POMT1: variants seen among roughly 807,000 people sequenced by gnomAD.
The protein encoded by POMT1 is protein O-mannosyl-transferase 1.
In POMT1, 85 loss-of-function variants were observed where a neutral mutation model predicts 101.6. That is an observed-to-expected ratio of 0.84 (90% CI 0.70 to 1.00). The LOEUF (loss-of-function observed/expected upper bound fraction) is 1.00. Among genes scored for constraint, POMT1 ranks in the 50% least tolerant of loss-of-function variants. The pLI, the probability that POMT1 is intolerant of heterozygous loss-of-function variation, is 0.00. For missense variants in POMT1, 857 were observed against 930.4 expected (o/e 0.92, Z 1.03); for synonymous variants, 371 against 383.0 (o/e 0.97, Z 0.37).
chr9:131,521,652 T>C (rs1377065549), intron 18 of POMT1, among the ~76,000 whole-genome samples, 180 bp downstream of exon 18: 5 of 152,132 alleles, frequency 3.3e-5, no homozygotes, highest in African/African-American at 1.2e-4. Flanking sequence ...ACCGACTTCA[T>C]AGGAACCTAC....
chr9:131,522,114 G>A lies in POMT1; in HGVS notation c.1893G>A (p.Pro631=), dbSNP rs749582742. Residue 631 remains proline (P), a synonymous_variant, in exon 19 of 20, where the codon CCG becomes CCA. Transcript: ENST00000402686. This position sits in a 1 kb window ranked among gnomAD's most constrained non-coding sequence, Gnocchi z 5.5. ...CAGGWAVNYL[P]FFLMEKTLFL... ...GTGGCTGGGCAGTGAACTACCTCCC[G>A]TTCTTCCTGATGGAGAAGACACTCT... 1.4e-5 allele frequency: 22 copies of A among 1,614,004 alleles called. No individual in the cohort carries two copies. Among genetic ancestry groups the A allele is most frequent in the South Asian group, 4.4e-5 (4 of 91,086 alleles).
chr9:131,511,398 C>T lies in POMT1; in HGVS notation c.917C>T (p.Thr306Ile), dbSNP rs1377535146. Residue 306 changes from threonine (T) to isoleucine (I), a missense_variant, in exon 10 of 20, where the codon ACT becomes ATT. Thr to Ile is a moderately conservative substitution (Grantham distance 89). Coordinates refer to ENST00000402686, the MANE Select transcript of POMT1 (RefSeq NM_001077365.2). ...GAGGTGGCCTTTGGGTCCCAGGTCA[C>T]TCTGAGGAACGTCTTTGGGAAACCT... ...PLEVAFGSQV[T>I]LRNVFGKPVP... is the part of the protein sequence containing the mutation. The T allele has an allele frequency of 3.1e-6, 5 of 1,614,012 alleles. No individual in the cohort carries two copies. The highest frequency in any genetic ancestry group is 4.2e-6 in the Non-Finnish European group (5 of 1,179,982).
rs1338129215 is a variant in POMT1 at position 131,523,520 on chromosome 9, A to G, written c.*414A>G. The stretch of plus-strand genomic sequence containing the variant: ...TTCATGAACACCCAGCAACCTGAGC[A>G]AGTCCCGGCCCTGCCCTCAGCGAGC... On this transcript the variant is annotated 3_prime_UTR_variant, in exon 20 of 20. Coordinates refer to ENST00000402686, the MANE Select transcript of POMT1 (RefSeq NM_001077365.2). The G allele has an allele frequency of 2.6e-5, 8 of 306,818 alleles. No individual in the cohort carries two copies. The highest frequency in any genetic ancestry group is 8.9e-5 in the Admixed American group (2 of 22,582). The allele number at this position is 306,818 out of a possible 1,614,324, so 19.0% of individuals were successfully genotyped here. A position where few individuals can be genotyped will look rare whatever the true frequency, so the allele number is the denominator to read the frequency against.
rs1944938497 is a variant in POMT1 at position 131,503,199 on chromosome 9, G to A, written c.-31+126G>A. ...GGCGTCCCCGTCTTTCCGGAGCTGG[G>A]GGCGGGGTTCGGGCCCGGGCAGATG... is the stretch of plus-strand genomic sequence containing the variant. On this transcript the variant is annotated intron_variant, in intron 1 of 19. Transcript: ENST00000402686. The surrounding 1 kb of genome is among the most constrained non-coding windows in gnomAD (Gnocchi z 4.4). 6.6e-6 allele frequency: 1 copy of A among 152,376 alleles called. No homozygotes were observed. The allele number at this position is 152,376 out of a possible 1,614,324, so 9.4% of individuals were successfully genotyped here. A position where few individuals can be genotyped will look rare whatever the true frequency, so the allele number is the denominator to read the frequency against.
chr9:131,513,112 CAT>C, intron 11 of POMT1, 125 bp from the exon 12 acceptor site: 1 of 763,588 alleles, frequency 1.3e-6, no homozygotes, highest in South Asian at 1.4e-5. Flanking sequence ...GTGTTCACCT[CAT>C]GTGAGGCACA....
intron 4 of POMT1, 22 bp downstream of exon 4, chr9:131,506,475 C>T: frequency 1.3e-6 from 2 of 1,595,860 alleles, no homozygotes; most frequent in Non-Finnish European, 1.7e-6. Context: ...TTTTCATTTC[C>T]CTTTTAATGT....
In POMT1 at chr9:131,518,530, T is replaced by G; in HGVS notation, c.1358T>G (p.Val453Gly). The part of the protein sequence containing the change: ...VRFVHVNTSA[V>G]LKLSGAHLPD... ...TTTGTGCACGTGAACACTTCCGCTG[T>G]CTTAAAGGTAAGGACACTGTCCGTG... The change falls in exon 14 of 20, where the codon GTC becomes GGC. Residue 453 changes from valine to glycine, a missense_variant. Physicochemically the swap from Val to Gly is moderately radical, Grantham distance 109. Coordinates refer to ENST00000402686, the MANE Select transcript of POMT1 (RefSeq NM_001077365.2). 1 of 1,613,312 alleles carries G rather than the reference T, an allele frequency of 6.2e-7. No homozygotes were observed. Among genetic ancestry groups the G allele is most frequent in the East Asian group, 2.2e-5 (1 of 44,888 alleles).
chr9:131,522,627 G>A lies in POMT1; in HGVS notation c.2004-305G>A. The stretch of plus-strand genomic sequence containing the variant: ...CAGAGTGTGTTTGGAGGTTGGAGCA[G>A]AGGGCGAGGGCCTCCCGGTTTCAGG... On this transcript the variant is annotated intron_variant, in intron 19 of 19. Transcript: ENST00000402686. The surrounding 1 kb of genome is among the most constrained non-coding windows in gnomAD (Gnocchi z 5.5). The A allele has an allele frequency of 1.8e-6, 1 of 544,664 alleles. No homozygotes were observed. The highest frequency in any genetic ancestry group is 3.3e-6 in the Non-Finnish European group (1 of 302,406). 33.7% of individuals were successfully genotyped at this position (544,664 alleles called of 1,614,324 possible).
intron 4 of POMT1, chr9:131,506,838 AC>A (rs1945927622): frequency 1.3e-5 from 4 of 307,952 alleles, no homozygotes; most frequent in Middle Eastern, 1.2e-3. Flanking sequence ...GGAGGCTGAG[AC>A]GGGTGGATCA....
chr9:131,507,384 G>A lies in POMT1; in HGVS notation c.297G>A (p.Val99=). 1.2e-6 allele frequency: 2 copies of A among 1,614,202 alleles called. No homozygotes were observed. The highest frequency in any genetic ancestry group is 4.5e-5 in the East Asian group (2 of 44,880). ...NRIGAEYSSN[V]PVWSLRLLPA... is the part of the protein sequence containing the mutation. Reference sequence around the variant, plus strand: ...CTTTTCCAGAATACAGTAGCAACGTGCCTGTGTGGTCCCTGCGCCTGCTGC... The same window carrying A: ...CTTTTCCAGAATACAGTAGCAACGTACCTGTGTGGTCCCTGCGCCTGCTGC... Residue 99 remains valine, a synonymous_variant, in exon 5 of 20, where the codon GTG becomes GTA. Coordinates refer to ENST00000402686, the MANE Select transcript of POMT1 (RefSeq NM_001077365.2).
Position 131,512,087 on chromosome 9 carries a change from T to TA in POMT1, c.1034dup (p.Tyr345Ter). 6.2e-7 allele frequency: 1 copy of TA among 1,614,128 alleles called. No individual in the cohort carries two copies. Among genetic ancestry groups the TA allele is most frequent in the Non-Finnish European group, 8.5e-7 (1 of 1,180,010 alleles). Residue 345 changes from tyrosine (Y) to a stop codon, truncating the protein, a stop_gained and frameshift_variant, in exon 11 of 20, where the codon TAC becomes TAAC. Coordinates refer to ENST00000402686, the MANE Select transcript of POMT1 (RefSeq NM_001077365.2). LOFTEE classifies it high-confidence loss of function. ...GSSHQQQVTC[Y>*]PFKDVNNWWI... ...CTCCCACCAGCAACAGGTGACCTGTTACCCCTTCAAAGATGTCAATAACTG... is the reference window on the plus strand; with the variant it reads ...CTCCCACCAGCAACAGGTGACCTGTTAACCCCTTCAAAGATGTCAATAACTG...
In POMT1 at chr9:131,522,359, G is replaced by C. The variant is rs1950115541; in HGVS notation, c.2003+135G>C. 6.7e-7 allele frequency: 1 copy of C among 1,495,712 alleles called. No individual in the cohort carries two copies. Among genetic ancestry groups the C allele is most frequent in the Non-Finnish European group, 8.9e-7 (1 of 1,119,422 alleles). 92.7% of individuals were successfully genotyped at this position (1,495,712 alleles called of 1,614,324 possible). ...CTGACATCCTCCGGGTCCCTCCGGG[G>C]AATGGGTGAGGTTCAGAAGAGATGC... On this transcript the variant is annotated intron_variant, in intron 19 of 19. Coordinates refer to ENST00000402686, the MANE Select transcript of POMT1 (RefSeq NM_001077365.2). The surrounding 1 kb of genome is among the most constrained non-coding windows in gnomAD (Gnocchi z 5.5).
chr9:131,510,976 C>CAAGA, intron 9 of POMT1: 1 of 263,714 alleles, frequency 3.8e-6, no homozygotes. Flanking sequence ...TGCCGACGGC[C>CAAGA]AGTGCTGTAG....
intron 9 of POMT1, chr9:131,510,984 T>C: frequency 3.4e-6 from 1 of 295,080 alleles, no homozygotes; most frequent in Non-Finnish European, 6.5e-6. Context: ...GCCAGTGCTG[T>C]AGTGCTGTGT....
chr9:131,518,924 G>T lies in POMT1; in HGVS notation c.1453G>T (p.Val485Leu), dbSNP rs753997280. ...KLSRGYHGST[V>L]WNVEEHRYGA... ...GTCCCGGGGCTACCACGGGAGCACG[G>T]TGTGGAACGTGGAGGAGCACCGATA... The change falls in exon 15 of 20, where the codon GTG (valine) becomes TTG (leucine). Residue 485 changes from valine to leucine, a missense_variant. Val to Leu is a conservative substitution (Grantham distance 32, BLOSUM62 1). Coordinates refer to ENST00000402686, the MANE Select transcript of POMT1 (RefSeq NM_001077365.2). The T allele has an allele frequency of 1.9e-6, 3 of 1,613,790 alleles. No homozygotes were observed. The highest frequency in any genetic ancestry group is 2.2e-5 in the South Asian group (2 of 91,088).
rs888434610 is a variant in POMT1, at chr9:131,523,613, G to C, written c.*507G>C. 1.8e-5 allele frequency: 4 copies of C among 217,108 alleles called. No homozygotes were observed. The highest frequency in any genetic ancestry group is 3.7e-5 in the Non-Finnish European group (4 of 107,132). 13.4% of individuals were successfully genotyped at this position (217,108 alleles called of 1,614,324 possible). A position where few individuals can be genotyped will look rare whatever the true frequency, so the allele number is the denominator to read the frequency against. On this transcript the variant is annotated 3_prime_UTR_variant, in exon 20 of 20. Coordinates refer to ENST00000402686, the MANE Select transcript of POMT1 (RefSeq NM_001077365.2). Reference sequence around the variant, plus strand: ...GAACCACGAGCCAGGGCTGGGGCTTGCATGTCATTGTCTATGACAGCGTCA... The same window carrying C: ...GAACCACGAGCCAGGGCTGGGGCTTCCATGTCATTGTCTATGACAGCGTCA...
At chr9:131,512,356 A>G (rs1371455095) in intron 11 of POMT1, among the ~76,000 whole-genome samples, 2 of 152,184 alleles carry the variant, frequency 1.3e-5, no homozygotes, top group Non-Finnish European at 2.9e-5. Flanking sequence ...AGAAGTTTCC[A>G]GGCGAGCCTC....
At position 131,504,755 on chromosome 9, in the gene POMT1, A is replaced by ATGTGTGTG. The variant is rs1049729805; in HGVS notation, c.122+445_122+452dup. ...TCTTTATTAACTGATTAATGTGTGT[A>ATGTGTGTG]TGTGTGTGTGTGTGTGTGTGTGTGT... On this transcript the variant is annotated intron_variant, in intron 2 of 19. Coordinates refer to ENST00000402686, the MANE Select transcript of POMT1 (RefSeq NM_001077365.2). Among the ~76,000 whole-genome samples, 603 of 148,884 alleles carry ATGTGTGTG rather than the reference A, an allele frequency of 4.1e-3. 5 individuals are homozygous for ATGTGTGTG. Among genetic ancestry groups the ATGTGTGTG allele is most frequent in the African/African-American group, 0.014 (572 of 39,896 alleles).
intron 9 of POMT1, 128 bp downstream of exon 9, chr9:131,510,543 C>CT: frequency 1.5e-6 from 2 of 1,293,126 alleles, no homozygotes; most frequent in Non-Finnish European, 2.2e-6. Flanking sequence ...ATCCATATTT[C>CT]TTTTTTTGGT....
Sources: allele counts gnomAD v4.1 joint callset (sites outside exome capture counted in the v4.1 genomes callset), GRCh38; gene constraint gnomAD v4.1.1; non-coding constraint Gnocchi (gnomAD v3.1); transcripts MANE v1.5; gene names NCBI Gene and HGNC (gene_info 2026-07-23, HGNC 2026-07-21).